The following NAA16 variants were observed in gnomAD, a reference collection of about 807,000 sequenced individuals.
NAA16 encodes the protein NARG1-like protein.
Under a neutral mutation model 110.3 loss-of-function variants are expected in NAA16, and 97 were observed. The observed-to-expected ratio is 0.88, with a 90% confidence interval of 0.75 to 1.04. The LOEUF is 1.04. Among genes scored for constraint, NAA16 ranks in the 50% least tolerant of loss-of-function variants. The pLI, the probability that NAA16 is intolerant of heterozygous loss-of-function variation, is 0.00. For synonymous variants in NAA16, 372 were observed against 330.6 expected (o/e 1.13, Z -1.36); for missense variants, 1,017 against 1,005.1 (o/e 1.01, Z -0.16).
At chr13:41,348,284 C>T (rs528638331) in intron 9 of NAA16, among the ~76,000 whole-genome samples, 1 of 152,246 alleles carries the variant, frequency 6.6e-6, no homozygotes, top group East Asian at 1.9e-4. Flanking sequence ...TCTCCTGCCT[C>T]GGTCTCCCAA....
In NAA16 at chr13:41,352,082, G is replaced by A. The variant is rs556564396; in HGVS notation, c.1015-3062G>A. ...TAAGGCCAGGGCTGGTGGCTCATGC[G>A]TGTAATCCTAGCACTTTAGGAGGCT... is the stretch of plus-strand genomic sequence containing the variant. On this transcript the variant is annotated intron_variant, in intron 9 of 19. Transcript: ENST00000379406. Among the ~76,000 whole-genome samples the A allele has an allele frequency of 9.9e-5, 15 of 152,244 alleles. No individual in the cohort carries two copies. The South Asian group carries it at 3.1e-3, about 32-fold the overall frequency.
At position 41,361,943 on chromosome 13, in the gene NAA16, G is replaced by T; in HGVS notation, c.1411-88G>T. 3 of 1,418,816 alleles carry T rather than the reference G, an allele frequency of 2.1e-6. 1 individual carries two copies. Among genetic ancestry groups the T allele is most frequent in the Middle Eastern group, 3.6e-4 (2 of 5,548 alleles). 87.9% of individuals were successfully genotyped at this position (1,418,816 alleles called of 1,614,324 possible). Reference sequence around the variant, plus strand: ...GCTAATTGCTGCTATTGTCATAATAGTACTGTAGCCCTAGTTGTAAAGAGG... The same window carrying T: ...GCTAATTGCTGCTATTGTCATAATATTACTGTAGCCCTAGTTGTAAAGAGG... On this transcript the variant is annotated intron_variant, in intron 12 of 19. Transcript: ENST00000379406.
Position 41,373,639 on chromosome 13 carries a change from T to A in NAA16, c.2158T>A (p.Ser720Thr). Residue 720 changes from serine to threonine, a missense_variant and splice_region_variant, in exon 18 of 20, where the codon TCT (serine) becomes ACT (threonine). Coordinates refer to ENST00000379406, the MANE Select transcript of NAA16 (RefSeq NM_024561.5). The part of the protein sequence containing the change: ...ECLIRFSKSV[S>T]NHSNLPDIVS... ...TCCAAATGTTTTTGTTTTTATAGTG[T>A]CTAATCATAGTAATCTTCCAGACAT... 6.3e-7 allele frequency: 1 copy of A among 1,594,610 alleles called. No individual in the cohort carries two copies. The highest frequency in any genetic ancestry group is 8.5e-7 in the Non-Finnish European group (1 of 1,173,314).
intron 15 of NAA16, 77 bp downstream of exon 15, chr13:41,369,360 T>C (rs1593530164): frequency 6.3e-6 from 8 of 1,260,874 alleles, no homozygotes; most frequent in African/African-American, 6.1e-5. Context: ...TAACATGATT[T>C]ATTTAAATCT....
At chr13:41,352,877 T>C (rs917419045) in intron 9 of NAA16, among the ~76,000 whole-genome samples, 7 of 152,184 alleles carry the variant, frequency 4.6e-5, no homozygotes, top group African/African-American at 1.7e-4. Context: ...TATATGTAAC[T>C]TCAGTGTATG....
chr13:41,344,167 A>G (rs554665079), intron 9 of NAA16, among the ~76,000 whole-genome samples: 2 of 152,298 alleles, frequency 1.3e-5, no homozygotes, highest in African/African-American at 4.8e-5. Flanking sequence ...CAGTGGGTAA[A>G]GGATATGAAC....
chr13:41,324,445 G>A (rs529275560), intron 5 of NAA16, among the ~76,000 whole-genome samples: 26 of 126,584 alleles, frequency 2.1e-4, no homozygotes, highest in Non-Finnish European at 2.0e-4. Context: ...GTGCAATCTC[G>A]GCTCACTGCA....
intron 9 of NAA16, among the ~76,000 whole-genome samples, chr13:41,349,687 G>A (rs889702154): frequency 3.3e-5 from 5 of 152,154 alleles, no homozygotes; most frequent in South Asian, 2.1e-4. Flanking sequence ...ATACGTGGCC[G>A]GGTGTGGTGG....
chr13:41,311,941 C>G (rs1412595511), intron 1 of NAA16, among the ~76,000 whole-genome samples: 3 of 152,242 alleles, frequency 2.0e-5, no homozygotes, highest in East Asian at 3.9e-4. Flanking sequence ...GGGATCCTCC[C>G]CCGGTGGTTT....
chr13:41,311,694 C>A, intron 1 of NAA16, 112 bp downstream of exon 1: 3 of 993,134 alleles, frequency 3.0e-6, no homozygotes, highest in African/African-American at 1.7e-5. Flanking sequence ...CGCTGCCCAC[C>A]GCTCTTTGTT....
At chr13:41,363,713 T>C (rs181889584) in intron 13 of NAA16, among the ~76,000 whole-genome samples, 3 of 152,268 alleles carry the variant, frequency 2.0e-5, no homozygotes, top group African/African-American at 7.2e-5. Context: ...AGGAAAATCA[T>C]TGGTTGTCAC....
At chr13:41,329,985 A>G (rs1430391416) in intron 7 of NAA16, among the ~76,000 whole-genome samples, 2 of 151,172 alleles carry the variant, frequency 1.3e-5, no homozygotes, top group East Asian at 3.9e-4. Flanking sequence ...TGTGACTTTA[A>G]GTAGGATTTA....
At chr13:41,345,738 G>A (rs1243684216) in intron 9 of NAA16, among the ~76,000 whole-genome samples, 4 of 151,970 alleles carry the variant, frequency 2.6e-5, no homozygotes, top group African/African-American at 7.3e-5. Context: ...ATGCGCTACC[G>A]TGCCTGGCTC....
chr13:41,324,060 T>C (rs2042020300), intron 5 of NAA16, among the ~76,000 whole-genome samples: 1 of 152,232 alleles, frequency 6.6e-6, no homozygotes, highest in South Asian at 2.1e-4. Context: ...TTCTAGAAAT[T>C]TGTTGAAATC....
chr13:41,331,756 A>AAT (rs1225981714), intron 8 of NAA16, among the ~76,000 whole-genome samples: 1 of 152,092 alleles, frequency 6.6e-6, no homozygotes, highest in Non-Finnish European at 1.5e-5. Context: ...AGTTAACAAC[A>AAT]ATATACTGTA....
At chr13:41,372,700 A>G (rs1288209437) in intron 16 of NAA16, 32 bp from the exon 17 acceptor site, 2 of 1,567,566 alleles carry the variant, frequency 1.3e-6, no homozygotes, top group Admixed American at 3.7e-5. Context: ...GTAAGTATTA[A>G]TGCTATTACT....
chr13:41,323,353 C>CT (rs372356009), intron 5 of NAA16, among the ~76,000 whole-genome samples, 163 bp downstream of exon 5: 172 of 145,246 alleles, frequency 1.2e-3, no homozygotes, highest in Middle Eastern at 7.1e-3. Flanking sequence ...TTTTCTCTCT[C>CT]TTTTTTTTTT....
chr13:41,352,470 C>G (rs1169482996), intron 9 of NAA16, among the ~76,000 whole-genome samples: 2 of 151,986 alleles, frequency 1.3e-5, no homozygotes. Flanking sequence ...GCCTGGCCAA[C>G]ATGACGAAAC....
intron 15 of NAA16, 61 bp downstream of exon 15, chr13:41,369,344 GACAGTTAA>G: frequency 7.4e-7 from 1 of 1,347,216 alleles, no homozygotes; most frequent in Non-Finnish European, 9.8e-7. Context: ...GTTCCGTTCT[GACAGTTAA>G]CATGATTTAT....
Sources: gnomAD v4.1 joint callset for allele counts (sites outside exome capture counted in the v4.1 genomes callset) on GRCh38, gnomAD v4.1.1 for gene constraint, MANE v1.5 for transcripts, NCBI Gene and HGNC (gene_info 2026-07-23, HGNC 2026-07-21) for gene names.